The following MTBP variants were observed in gnomAD, a reference collection of about 807,000 sequenced individuals.
MTBP encodes MDM2 binding protein.
A neutral mutation model predicts 117.0 loss-of-function variants in MTBP; 101 were observed. That is an observed-to-expected ratio of 0.86 (90% CI 0.73 to 1.02). The LOEUF (loss-of-function observed/expected upper bound fraction) is 1.02, where lower values mean the gene tolerates loss of function less well. Among genes scored for constraint, MTBP ranks in the 50% least tolerant of loss-of-function variants. The pLI, the probability that MTBP is intolerant of heterozygous loss-of-function variation, is 0.00. For missense variants in MTBP, 970 were observed against 1,030.9 expected, an observed-to-expected ratio of 0.94 and a Z score of 0.81; for synonymous variants, 350 against 351.5, an observed-to-expected ratio of 1.00 and a Z score of 0.05.
At chr8:120,500,330 G>A (rs945527217) in intron 14 of MTBP, among the ~76,000 whole-genome samples, 4 of 152,140 alleles carry the variant, frequency 2.6e-5, no homozygotes, top group African/African-American at 9.7e-5. Context: ...CAAAAGACAT[G>A]AGACATATGA....
chr8:120,459,309 A>C lies in MTBP; in HGVS notation c.842A>C (p.Lys281Thr). 6.2e-7 allele frequency: 1 copy of C among 1,612,318 alleles called. No homozygotes were observed. Among genetic ancestry groups the C allele is most frequent in the East Asian group, 2.2e-5 (1 of 44,708 alleles). Reference sequence around the variant, plus strand: ...AATTTAAATACTGACTTCCTTGCCAAAAAGATCATACCATCAAAGGATAAG... The same window carrying C: ...AATTTAAATACTGACTTCCTTGCCACAAAGATCATACCATCAAAGGATAAG... The part of the protein sequence containing the change: ...TSNLNTDFLA[K>T]KIIPSKDKNI... The change falls in exon 8 of 22, where the codon AAA becomes ACA. Residue 281 changes from lysine (K) to threonine (T), a missense_variant. Coordinates refer to ENST00000305949, the MANE Select transcript of MTBP (RefSeq NM_022045.5).
At chr8:120,504,092 A>G (rs1402842325) in intron 15 of MTBP, among the ~76,000 whole-genome samples, 3 of 152,176 alleles carry the variant, frequency 2.0e-5, no homozygotes, top group African/African-American at 7.2e-5. Context: ...ATTTCCAAAT[A>G]CATGATGGTT....
intron 17 of MTBP, among the ~76,000 whole-genome samples, chr8:120,515,371 G>C (rs548175300): frequency 6.6e-6 from 1 of 152,104 alleles, no homozygotes; most frequent in East Asian, 1.9e-4. Context: ...GATTCAGCTA[G>C]AAACCACATG....
chr8:120,454,531 T>G (rs2130515548), intron 5 of MTBP, among the ~76,000 whole-genome samples: 1 of 152,180 alleles, frequency 6.6e-6, no homozygotes, highest in South Asian at 2.1e-4. Flanking sequence ...AAGAGTATTC[T>G]TTTCTGAATG....
chr8:120,475,212 A>T (rs369767145), intron 11 of MTBP, among the ~76,000 whole-genome samples: 3 of 151,958 alleles, frequency 2.0e-5, no homozygotes, highest in Non-Finnish European at 4.4e-5. Flanking sequence ...CAGCCCATCT[A>T]AAGTTACAAA....
At position 120,518,799 on chromosome 8, in the gene MTBP, C is replaced by T. The variant is rs1814965844; in HGVS notation, c.2592C>T (p.Ile864=). ...CATGCAGCCAGCGTCTCTTTGAAAT[C>T]TCTAAGTTCTATCTAAAGGTACGGT... ...FTACSQRLFE[I]SKFYLKDLKT... is the part of the protein sequence containing the mutation. Residue 864 remains isoleucine (I), a synonymous_variant, in exon 20 of 22, where the codon ATC becomes ATT. Coordinates refer to ENST00000305949, the MANE Select transcript of MTBP (RefSeq NM_022045.5). 5 of 1,610,126 alleles carry T rather than the reference C, an allele frequency of 3.1e-6. No homozygotes were observed. Among genetic ancestry groups the T allele is most frequent in the East Asian group, 2.2e-5 (1 of 44,766 alleles).
intron 11 of MTBP, among the ~76,000 whole-genome samples, chr8:120,480,541 T>A (rs1201523068): frequency 6.6e-6 from 1 of 152,198 alleles, no homozygotes; most frequent in African/African-American, 2.4e-5. Context: ...TCTCATGACT[T>A]ATTATAAAGC....
Position 120,479,879 on chromosome 8 carries a change from GA to G in MTBP, c.1166-8278del, listed in dbSNP as rs751709740. On this transcript the variant is annotated intron_variant, in intron 11 of 21. Transcript: ENST00000305949. ...TGAAATGCTTATCTTAGAATGGAAG[GA>G]AGATCAAGAATCAATAATTTAACCA... 9.4e-4 allele frequency among the ~76,000 whole-genome samples: 143 copies of G among 152,266 alleles called. 1 individual carries two copies. The highest frequency in any genetic ancestry group is 2.6e-3 in the Admixed American group (40 of 15,294).
chr8:120,506,929 T>G, intron 16 of MTBP, 68 bp downstream of exon 16: 1 of 1,367,024 alleles, frequency 7.3e-7, no homozygotes, highest in Non-Finnish European at 9.8e-7. Context: ...TTGTGTCTCA[T>G]TTCCTTATTA....
intron 11 of MTBP, among the ~76,000 whole-genome samples, chr8:120,480,451 A>C (rs961905381): frequency 6.6e-6 from 1 of 152,112 alleles, no homozygotes; most frequent in Non-Finnish European, 1.5e-5. Context: ...TCCTAAATTT[A>C]TATGGAGTAG....
intron 18 of MTBP, among the ~76,000 whole-genome samples, chr8:120,516,438 G>C (rs1814921858): frequency 6.6e-6 from 1 of 151,892 alleles, no homozygotes; most frequent in African/African-American, 2.4e-5. Flanking sequence ...TTAAGCCATG[G>C]AACAGTGGAG....
At chr8:120,466,431 G>A (rs1813695931) in intron 10 of MTBP, among the ~76,000 whole-genome samples, 1 of 151,266 alleles carries the variant, frequency 6.6e-6, no homozygotes, top group Admixed American at 6.6e-5. Context: ...GGCCAGGCTG[G>A]TCTTGAACTC....
chr8:120,455,458 C>T lies in MTBP; in HGVS notation c.508C>T (p.Leu170=), dbSNP rs1171347553. The stretch of plus-strand genomic sequence containing the variant: ...AGGTAGAGCAATGGTAGATATAATA[C>T]TGTTGCTTTCTGACAAAGATCCTCC... ...APGRAMVDII[L]LLSDKDPPKL... The change falls in exon 6 of 22, where the codon CTG becomes TTG. Residue 170 remains leucine, a synonymous_variant. Transcript: ENST00000305949. 6.2e-7 allele frequency: 1 copy of T among 1,608,506 alleles called. No homozygotes were observed. Among genetic ancestry groups the T allele is most frequent in the Non-Finnish European group, 8.5e-7 (1 of 1,176,630 alleles).
rs571889220 is a variant in MTBP, at chr8:120,453,486, A to G, written c.426-361A>G. ...AACCAAAAATAAATAAATAAATAAA[A>G]GGTTCCAAAAAAAGTTTGGTCTGTT... On this transcript the variant is annotated intron_variant, in intron 4 of 21. Transcript: ENST00000305949. Among the ~76,000 whole-genome samples the G allele has an allele frequency of 7.3e-4, 111 of 152,190 alleles. 1 individual carries two copies. Among genetic ancestry groups the G allele is most frequent in the African/African-American group, 2.6e-3 (106 of 41,530 alleles).
chr8:120,517,806 G>T, intron 18 of MTBP, 45 bp from the exon 19 acceptor site: 1 of 1,556,556 alleles, frequency 6.4e-7, no homozygotes. Flanking sequence ...CTTCGATGTT[G>T]ATTCGCTTAA....
At chr8:120,506,276 C>G (rs942056866) in intron 15 of MTBP, among the ~76,000 whole-genome samples, 3 of 152,000 alleles carry the variant, frequency 2.0e-5, no homozygotes, top group Non-Finnish European at 4.4e-5. Flanking sequence ...CTTTCCAGTT[C>G]ATGGAAAATT....
intron 11 of MTBP, among the ~76,000 whole-genome samples, chr8:120,476,164 T>G (rs1813933012): frequency 6.6e-6 from 1 of 152,058 alleles, no homozygotes; most frequent in South Asian, 2.1e-4. Context: ...TTGAAAATAA[T>G]TTTTAGAACT....
intron 12 of MTBP, among the ~76,000 whole-genome samples, chr8:120,490,161 C>T (rs774978161): frequency 6.3e-4 from 96 of 152,046 alleles, no homozygotes; most frequent in Non-Finnish European, 1.1e-3. Flanking sequence ...GCTACCATTC[C>T]CTATCTGTGA....
intron 11 of MTBP, among the ~76,000 whole-genome samples, chr8:120,485,043 A>AT (rs35744864): frequency 0.53 from 80,481 of 152,038 alleles, 24,581 homozygotes; most frequent in Non-Finnish European, 0.67. Context: ...GATATACCAC[A>AT]TTTTATTTAT....
Sources: allele counts gnomAD v4.1 joint callset (sites outside exome capture counted in the v4.1 genomes callset), GRCh38; gene constraint gnomAD v4.1.1; transcripts MANE v1.5; gene names NCBI Gene and HGNC (gene_info 2026-07-23, HGNC 2026-07-21).